DLK1: variants seen among roughly 807,000 people sequenced by gnomAD.
DLK1 encodes the protein delta like non-canonical Notch ligand 1.
Under a neutral mutation model 35.2 loss-of-function variants are expected in DLK1, and 9 were observed. The observed-to-expected ratio is 0.26, with a 90% CI of 0.15 to 0.45. The LOEUF (loss-of-function observed/expected upper bound fraction) is 0.45. Among genes scored for constraint, DLK1 ranks in the 20% least tolerant of loss-of-function variants. The pLI is 1.00. For missense variants in DLK1, 522 were observed against 528.5 expected (o/e 0.99, Z 0.12); for synonymous variants, 231 against 228.4 (o/e 1.01, Z -0.10).
Position 100,727,138 on chromosome 14 carries a change from G to A in DLK1, c.67+3G>A. 1 of 1,579,678 alleles carries A rather than the reference G, an allele frequency of 6.3e-7. No individual in the cohort carries two copies. Among genetic ancestry groups the A allele is most frequent in the Non-Finnish European group, 8.6e-7 (1 of 1,163,148 alleles). On this transcript the variant is annotated splice_donor_region_variant and intron_variant, in intron 1 of 4. Coordinates refer to ENST00000341267, the MANE Select transcript of DLK1 (RefSeq NM_003836.7). Reference sequence around the variant, plus strand: ...GGCTTTCGGCCACAGCACCTATGGTGAGTTCCCCGGCGGCCCGGCTCGCGC... The same window carrying A: ...GGCTTTCGGCCACAGCACCTATGGTAAGTTCCCCGGCGGCCCGGCTCGCGC...
chr14:100,733,633 C>G (rs1399503785), intron 4 of DLK1, among the ~76,000 whole-genome samples: 1 of 152,176 alleles, frequency 6.6e-6, no homozygotes, highest in East Asian at 1.9e-4. Flanking sequence ...TGAAGGACGA[C>G]AGCGGGTCCC....
rs1208265914 is a variant in DLK1 at position 100,734,323 on chromosome 14, C to T, written c.579C>T (p.Arg193=). 6.2e-7 allele frequency: 1 copy of T among 1,613,224 alleles called. No homozygotes were observed. The highest frequency in any genetic ancestry group is 1.6e-4 in the Middle Eastern group (1 of 6,062). The change falls in exon 5 of 5, where the codon CGC becomes CGT. Residue 193 remains arginine (R), a synonymous_variant. Coordinates refer to ENST00000341267, the MANE Select transcript of DLK1 (RefSeq NM_003836.7). The surrounding 1 kb of genome is among the most constrained non-coding windows in gnomAD (Gnocchi z 7.4). The stretch of plus-strand genomic sequence containing the variant: ...GCACTGACATTGGGGGCGACTTCCG[C>T]TGCCGGTGCCCAGCCGGCTTCATCG... ...GVCTDIGGDF[R]CRCPAGFIDK...
At chr14:100,730,858 G>A (rs1292812658) in intron 3 of DLK1, among the ~76,000 whole-genome samples, 1 of 152,136 alleles carries the variant, frequency 6.6e-6, no homozygotes, top group African/African-American at 2.4e-5. Context: ...ACAACGTTCA[G>A]GCTCTTCCTC....
rs116711857 is a variant in DLK1, at chr14:100,734,824, C to G, written c.1080C>G (p.Ala360=). The change falls in exon 5 of 5, where the codon GCC becomes GCG. Residue 360 remains alanine (A), a synonymous_variant. Transcript: ENST00000341267. This position sits in a 1 kb window ranked among gnomAD's most constrained non-coding sequence, Gnocchi z 7.4. ...LLQYNSGEDL[A]VNIIFPEKID... is the part of the protein sequence containing the mutation. Reference sequence around the variant, plus strand: ...AGTACAACAGCGGGGAGGACCTGGCCGTCAACATCATCTTCCCCGAGAAGA... The same window carrying G: ...AGTACAACAGCGGGGAGGACCTGGCGGTCAACATCATCTTCCCCGAGAAGA... The G allele has an allele frequency of 1.2e-6, 2 of 1,613,378 alleles. No homozygotes were observed. Among genetic ancestry groups the G allele is most frequent in the Non-Finnish European group, 1.7e-6 (2 of 1,179,840 alleles).
chr14:100,731,643 A>T (rs988077231), intron 3 of DLK1, among the ~76,000 whole-genome samples: 23 of 152,184 alleles, frequency 1.5e-4, no homozygotes, highest in Admixed American at 1.4e-3. Flanking sequence ...CCCCTCCCCT[A>T]ACAGGAGAGG....
chr14:100,727,212 A>G (rs1357093498), intron 1 of DLK1, 77 bp downstream of exon 1: 2 of 1,413,036 alleles, frequency 1.4e-6, no homozygotes, highest in Non-Finnish European at 1.9e-6. Context: ...GGTGCCCCGC[A>G]CGCCCCGTCT....
At chr14:100,732,397 A>G (rs1010951495) in intron 4 of DLK1, among the ~76,000 whole-genome samples, 2 of 152,234 alleles carry the variant, frequency 1.3e-5, no homozygotes, top group African/African-American at 4.8e-5. Flanking sequence ...AGGCGATTTC[A>G]TATTCCCCTG....
chr14:100,728,788 C>A, intron 2 of DLK1, 148 bp from the exon 3 acceptor site: 2 of 1,086,648 alleles, frequency 1.8e-6, no homozygotes, highest in African/African-American at 1.6e-5. Flanking sequence ...TTTTCCCATT[C>A]AGGTGGCTGG....
chr14:100,734,487 G>C lies in DLK1; in HGVS notation c.743G>C (p.Arg248Pro), dbSNP rs749760314. Residue 248 changes from arginine (R) to proline (P), a missense_variant, in exon 5 of 5, where the codon CGC (arginine) becomes CCC (proline). Transcript: ENST00000341267. The surrounding 1 kb of genome is among the most constrained non-coding windows in gnomAD (Gnocchi z 7.4). ...ACAGGTCTCACCTGTGTCAAGAAGC[G>C]CGCGCTGAGCCCCCAGCAGGTCACC... ...EFTGLTCVKK[R>P]ALSPQQVTRL... 3.1e-6 allele frequency: 5 copies of C among 1,611,194 alleles called. No individual in the cohort carries two copies. The highest frequency in any genetic ancestry group is 3.4e-6 in the Non-Finnish European group (4 of 1,178,564).
Position 100,734,696 on chromosome 14 carries a change from G to T in DLK1, c.952G>T (p.Val318Leu). The change falls in exon 5 of 5, where the codon GTG becomes TTG. Residue 318 changes from valine (V) to leucine (L), a missense_variant. Physicochemically the swap from Val to Leu is conservative, Grantham distance 32. Coordinates refer to ENST00000341267, the MANE Select transcript of DLK1 (RefSeq NM_003836.7). The surrounding 1 kb of genome is among the most constrained non-coding windows in gnomAD (Gnocchi z 7.4). Reference protein sequence around the residue: ...TILGVLTSLVVLGTVGIVFLN... With the variant: ...TILGVLTSLVLLGTVGIVFLN... The stretch of plus-strand genomic sequence containing the variant: ...CCTGGGCGTGCTCACCAGCCTGGTG[G>T]TGCTGGGCACTGTGGGTATCGTCTT... The T allele has an allele frequency of 6.2e-7, 1 of 1,614,108 alleles. No individual in the cohort carries two copies. Among genetic ancestry groups the T allele is most frequent in the Non-Finnish European group, 8.5e-7 (1 of 1,180,038 alleles).
chr14:100,728,899 T>G, intron 2 of DLK1, 37 bp from the exon 3 acceptor site: 1 of 1,608,778 alleles, frequency 6.2e-7, no homozygotes, highest in Non-Finnish European at 8.5e-7. Flanking sequence ...CCCTGCCCTC[T>G]TCATATGTCC....
chr14:100,732,645 T>C (rs1274118355), intron 4 of DLK1, among the ~76,000 whole-genome samples: 1 of 152,110 alleles, frequency 6.6e-6, no homozygotes, highest in Non-Finnish European at 1.5e-5. Context: ...GGTGAAGAGA[T>C]TGGGCTTCTG....
At chr14:100,732,428 G>A (rs1455266774) in intron 4 of DLK1, among the ~76,000 whole-genome samples, 1 of 152,234 alleles carries the variant, frequency 6.6e-6, no homozygotes, top group Non-Finnish European at 1.5e-5. Flanking sequence ...GTCCCGATGC[G>A]TGTGAGTGAC....
chr14:100,726,935 C>G lies in DLK1; in HGVS notation c.-134C>G, dbSNP rs900792196. ...GCGGTGGAGAGCGCAGCGCGCAGCC[C>G]GGTGCAGCCCTGGCTTTCCCCTCGC... On this transcript the variant is annotated 5_prime_UTR_variant, in exon 1 of 5. Transcript: ENST00000341267. This position sits in a 1 kb window ranked among gnomAD's most constrained non-coding sequence, Gnocchi z 4.2. The G allele has an allele frequency of 9.5e-5, 73 of 768,082 alleles. 1 individual carries two copies. In the Admixed American group the frequency reaches 3.0e-3, roughly 31 times the overall value. 47.6% of individuals were successfully genotyped at this position (768,082 alleles called of 1,614,324 possible).
At position 100,734,884 on chromosome 14, in the gene DLK1, CGAG is replaced by C. The variant is rs771407808; in HGVS notation, c.1144_1146del (p.Glu382del). On this transcript the variant is annotated inframe_deletion, in exon 5 of 5. Transcript: ENST00000341267. The surrounding 1 kb of genome is among the most constrained non-coding windows in gnomAD (Gnocchi z 7.4). Reference sequence around the variant, plus strand: ...CCACCTTCAGCAAGGAGGCCGGCGACGAGGAGATCTAAGCAGCGTTCCCACAGC... The same window carrying C: ...CCACCTTCAGCAAGGAGGCCGGCGACGAGATCTAAGCAGCGTTCCCACAGC... 74 of 1,588,924 alleles carry C rather than the reference CGAG, an allele frequency of 4.7e-5. No homozygotes were observed. Among genetic ancestry groups the C allele is most frequent in the Middle Eastern group, 1.7e-4 (1 of 5,950 alleles).
intron 1 of DLK1, among the ~76,000 whole-genome samples, chr14:100,727,558 A>G (rs2036450961): frequency 1.3e-5 from 2 of 152,146 alleles, no homozygotes; most frequent in Non-Finnish European, 1.5e-5. Flanking sequence ...CAATTCCCAG[A>G]GAAGCCCAGC....
chr14:100,734,636 C>T lies in DLK1; in HGVS notation c.892C>T (p.Leu298Phe), dbSNP rs760078156. 1 of 1,614,004 alleles carries T rather than the reference C, an allele frequency of 6.2e-7. No homozygotes were observed. Among genetic ancestry groups the T allele is most frequent in the Non-Finnish European group, 8.5e-7 (1 of 1,180,024 alleles). The change falls in exon 5 of 5, where the codon CTC (leucine) becomes TTC (phenylalanine). Residue 298 changes from leucine to phenylalanine, a missense_variant. Leu to Phe is a conservative substitution (Grantham distance 22). Coordinates refer to ENST00000341267, the MANE Select transcript of DLK1 (RefSeq NM_003836.7). This position sits in a 1 kb window ranked among gnomAD's most constrained non-coding sequence, Gnocchi z 7.4. ...SMKELNKKTP[L>F]LTEGQAICFT... Reference sequence around the variant, plus strand: ...GAAAGAGCTCAACAAGAAAACCCCTCTCCTCACCGAGGGCCAGGCCATCTG... The same window carrying T: ...GAAAGAGCTCAACAAGAAAACCCCTTTCCTCACCGAGGGCCAGGCCATCTG...
chr14:100,731,272 C>T (rs1283358259), intron 3 of DLK1, among the ~76,000 whole-genome samples: 1 of 152,164 alleles, frequency 6.6e-6, no homozygotes, highest in African/African-American at 2.4e-5. Context: ...GTGTTCAGCT[C>T]ATCCCTGGCT....
In DLK1 at chr14:100,732,672, T is replaced by A. The variant is rs3783349; in HGVS notation, c.404+489T>A. Among the ~76,000 whole-genome samples the A allele has an allele frequency of 6.2e-4, 94 of 151,940 alleles. 1 individual carries two copies. In the East Asian group the frequency reaches 0.011, roughly 18 times the overall value. On this transcript the variant is annotated intron_variant, in intron 4 of 4. Transcript: ENST00000341267. ...GGGCTTCTGCCAGCACGAGAGGAGG[T>A]GGGCCAGCTGTCGGCTATCCTCAGT...
Sources: gnomAD v4.1 joint callset for allele counts (sites outside exome capture counted in the v4.1 genomes callset) on GRCh38, gnomAD v4.1.1 for gene constraint, Gnocchi (gnomAD v3.1) non-coding constraint, MANE v1.5 for transcripts, NCBI Gene and HGNC (gene_info 2026-07-23, HGNC 2026-07-21) for gene names.